The following CPNE8 variants were observed in gnomAD, a reference collection of about 807,000 sequenced individuals.
CPNE8 encodes the protein copine 8.
Under a neutral mutation model 81.5 loss-of-function variants are expected in CPNE8, and 45 were observed. The observed-to-expected ratio is 0.55, with a 90% CI of 0.44 to 0.71. The LOEUF (loss-of-function observed/expected upper bound fraction) is 0.71. Ranked by LOEUF, CPNE8 falls within the 30% of genes least tolerant of loss-of-function variation. CPNE8 has a pLI of 0.00. For missense variants in CPNE8, 594 were observed against 672.1 expected (o/e 0.88, Z 1.28); for synonymous variants, 252 against 226.3 (o/e 1.11, Z -1.02).
chr12:38,904,998 C>T (rs1429840395), intron 1 of CPNE8, among the ~76,000 whole-genome samples: 1 of 152,136 alleles, frequency 6.6e-6, no homozygotes, highest in African/African-American at 2.4e-5. Flanking sequence ...TTGGAGCCAA[C>T]CCTAGCAACA....
At chr12:38,686,510 T>C (rs1939537792) in intron 15 of CPNE8, among the ~76,000 whole-genome samples, 1 of 152,216 alleles carries the variant, frequency 6.6e-6, no homozygotes, top group Non-Finnish European at 1.5e-5. Context: ...ATGTATTAGT[T>C]ATCTATTGCT....
chr12:38,849,167 TTGTTTCTGATTAATCA>T (rs1462180030), intron 3 of CPNE8, among the ~76,000 whole-genome samples: 4 of 152,090 alleles, frequency 2.6e-5, no homozygotes, highest in Non-Finnish European at 4.4e-5. Flanking sequence ...CAACAATCAG[TTGTTTCTGATTAATCA>T]TGTTTTAATT....
chr12:38,682,654 G>A (rs1044160395), intron 16 of CPNE8, among the ~76,000 whole-genome samples: 3 of 152,108 alleles, frequency 2.0e-5, no homozygotes, highest in Non-Finnish European at 4.4e-5. Flanking sequence ...GTATATATGT[G>A]CATGTATATG....
intron 13 of CPNE8, among the ~76,000 whole-genome samples, chr12:38,708,862 A>C (rs1940179033): frequency 1.3e-5 from 2 of 152,348 alleles, no homozygotes; most frequent in South Asian, 4.1e-4. Context: ...AATTAATTAC[A>C]GAGAACTAAC....
chr12:38,782,099 A>C (rs1942065264), intron 6 of CPNE8, among the ~76,000 whole-genome samples: 1 of 152,144 alleles, frequency 6.6e-6, no homozygotes, highest in African/African-American at 2.4e-5. Flanking sequence ...GTTGTGACAA[A>C]TGTATTAAAT....
chr12:38,885,340 G>A (rs1592155651), intron 1 of CPNE8, among the ~76,000 whole-genome samples: 1 of 152,120 alleles, frequency 6.6e-6, no homozygotes, highest in African/African-American at 2.4e-5. Flanking sequence ...CATTTTATAA[G>A]AGGAAGAAAT....
chr12:38,870,636 C>A (rs1943978064), intron 3 of CPNE8, among the ~76,000 whole-genome samples: 1 of 151,998 alleles, frequency 6.6e-6, no homozygotes, highest in African/African-American at 2.4e-5. Context: ...ACACCGGGGC[C>A]TGTCGGCGGG....
chr12:38,885,549 G>A (rs1944225503), intron 1 of CPNE8, among the ~76,000 whole-genome samples: 1 of 152,176 alleles, frequency 6.6e-6, no homozygotes, highest in Admixed American at 6.5e-5. Context: ...CCAGATTCAG[G>A]CATGTAGCTG....
chr12:38,796,943 G>C (rs1592097600), intron 6 of CPNE8, among the ~76,000 whole-genome samples: 2 of 152,204 alleles, frequency 1.3e-5, no homozygotes, highest in East Asian at 1.9e-4. Flanking sequence ...CTCGCTGATT[G>C]CTAGCACAGC....
intron 13 of CPNE8, among the ~76,000 whole-genome samples, chr12:38,720,467 T>C (rs1192911848): frequency 6.6e-6 from 1 of 152,192 alleles, no homozygotes; most frequent in East Asian, 1.9e-4. Context: ...ATATCTGTTA[T>C]ATATACACAT....
intron 7 of CPNE8, among the ~76,000 whole-genome samples, chr12:38,771,342 AT>A (rs201404082): frequency 0.044 from 6,620 of 151,410 alleles, 490 homozygotes; most frequent in African/African-American, 0.15. Context: ...GTGCCTGCCT[AT>A]GTTCCCAGCT....
At chr12:38,828,213 A>T (rs73089577) in intron 6 of CPNE8, among the ~76,000 whole-genome samples, 138 of 152,292 alleles carry the variant, frequency 9.1e-4, no homozygotes, top group Middle Eastern at 3.4e-3. Flanking sequence ...AGGAGATGCA[A>T]TTAGAATTAT....
chr12:38,702,786 A>G (rs1939979272), intron 14 of CPNE8, 89 bp downstream of exon 14: 3 of 742,990 alleles, frequency 4.0e-6, no homozygotes, highest in Non-Finnish European at 6.3e-6. Flanking sequence ...GTATGTAAAT[A>G]TAGAAATAAA....
chr12:38,742,711 T>TGAAA (rs140997214), intron 10 of CPNE8, among the ~76,000 whole-genome samples: 2 of 145,474 alleles, frequency 1.4e-5, no homozygotes, highest in Non-Finnish European at 3.0e-5. Context: ...AATAAATAAA[T>TGAAA]ATAAAACATA....
At chr12:38,733,730 C>G (rs980571) in intron 10 of CPNE8, among the ~76,000 whole-genome samples, 83,841 of 151,638 alleles carry the variant, frequency 0.55, 23,732 homozygotes, top group East Asian at 0.81. Flanking sequence ...GAATTAAACA[C>G]GTATTTTGAG....
intron 10 of CPNE8, among the ~76,000 whole-genome samples, chr12:38,733,894 C>T (rs770109864): frequency 7.2e-5 from 11 of 151,862 alleles, no homozygotes. Flanking sequence ...ATACCTGAAA[C>T]CTGTAGGACA....
intron 1 of CPNE8, among the ~76,000 whole-genome samples, chr12:38,902,382 AAAGAAAGAAAG>A (rs1377925547): frequency 0.022 from 1,086 of 49,670 alleles, 51 homozygotes; most frequent in East Asian, 0.07. Context: ...GAAAGAAAGA[AAAGAAAGAAAG>A]AGAAAGAAAG....
intron 18 of CPNE8, among the ~76,000 whole-genome samples, chr12:38,674,325 T>C (rs1369892474): frequency 6.6e-6 from 1 of 152,140 alleles, no homozygotes; most frequent in Non-Finnish European, 1.5e-5. Context: ...TGAGGTCATA[T>C]GCCTAAAGGT....
intron 3 of CPNE8, among the ~76,000 whole-genome samples, chr12:38,867,339 TGAGA>T (rs367740036): frequency 0.019 from 2,274 of 121,952 alleles, 22 homozygotes; most frequent in African/African-American, 0.037. Context: ...TGTGTGTGTG[TGAGA>T]GAGAGAGAGA....
Sources: allele counts gnomAD v4.1 joint callset (sites outside exome capture counted in the v4.1 genomes callset), GRCh38; gene constraint gnomAD v4.1.1; transcripts MANE v1.5; gene names NCBI Gene and HGNC (gene_info 2026-07-23, HGNC 2026-07-21).